TASOR2: variants seen among roughly 807,000 people sequenced by gnomAD.
The protein encoded by TASOR2 is transcription activation suppressor family member 2, also known as protein TASOR 2.
A neutral mutation model predicts 199.5 loss-of-function variants in TASOR2; 84 were observed. The ratio of observed to expected loss-of-function variants is 0.42; its 90% confidence interval spans 0.35 to 0.50. TASOR2 has a LOEUF of 0.50. TASOR2 is among the 20% of genes least tolerant of loss of function. TASOR2 has a pLI of 0.02. For missense variants in TASOR2, 2,796 were observed against 2,835.9 expected (o/e 0.99, Z 0.32); for synonymous variants, 1,103 against 1,046.6 (o/e 1.05, Z -1.04).
Position 5,742,546 on chromosome 10 carries a change from G to A in TASOR2, c.2757+20G>A, listed in dbSNP as rs2797488. On this transcript the variant is annotated intron_variant, in intron 14 of 20. Transcript: ENST00000328090. The surrounding 1 kb of genome is among the most constrained non-coding windows in gnomAD (Gnocchi z 4.2). ...AATGAGGTATGTAAAGCTGAATACC[G>A]TTAAATGTTGGCATTATTTTTGAAG... is the stretch of plus-strand genomic sequence containing the variant. 994,169 of 1,571,628 alleles carry A rather than the reference G, an allele frequency of 0.63. 316,360 individuals are homozygous for A. The highest frequency in any genetic ancestry group is 0.8 in the African/African-American group (58,410 of 72,736).
Position 5,749,016 on chromosome 10 carries a change from CTA to C in TASOR2, c.5597_5598del (p.Tyr1866Ter). 1.2e-6 allele frequency: 2 copies of C among 1,614,110 alleles called. No individual in the cohort carries two copies. Among genetic ancestry groups the C allele is most frequent in the Non-Finnish European group, 1.7e-6 (2 of 1,180,026 alleles). Reference sequence around the variant, plus strand: ...GGAAAAAAGATGTTCCCACAGATGGCTATGAGTCGTCGTTGAACTTCCACAAC... The same window carrying C: ...GGAAAAAAGATGTTCCCACAGATGGCTGAGTCGTCGTTGAACTTCCACAAC... On this transcript the variant is annotated frameshift_variant, in exon 15 of 21. Coordinates refer to ENST00000328090, the Ensembl canonical transcript of TASOR2. LOFTEE classifies it high-confidence loss of function.
chr10:5,749,599 G>A, exon 15 of TASOR2: 1 of 1,614,118 alleles, frequency 6.2e-7, no homozygotes, highest in South Asian at 1.1e-5. Context: ...AGGCTACACA[G>A]CCAGCAGTCT....
Position 5,720,810 on chromosome 10 carries a change from T to TTTTCTTGAGTAAATG in TASOR2, c.46+41_47-42dup. On this transcript the variant is annotated intron_variant, in intron 5 of 20. Coordinates refer to ENST00000328090, the Ensembl canonical transcript of TASOR2. The surrounding 1 kb of genome is among the most constrained non-coding windows in gnomAD (Gnocchi z 5.3). Reference sequence around the variant, plus strand: ...GTTCATTGATTCTTTTAGGTTTTTTTTTTCTTGAGTAAATGTTTCATCATA... The same window carrying TTTTCTTGAGTAAATG: ...GTTCATTGATTCTTTTAGGTTTTTTTTTTCTTGAGTAAATGTTTCTTGAGTAAATGTTTCATCATA... The TTTTCTTGAGTAAATG allele has an allele frequency of 1.3e-6, 2 of 1,598,982 alleles. No homozygotes were observed. Among genetic ancestry groups the TTTTCTTGAGTAAATG allele is most frequent in the Non-Finnish European group, 1.7e-6 (2 of 1,175,702 alleles).
rs1427483634 is a variant in TASOR2 at position 5,698,389 on chromosome 10, A to C, written c.-288+13214A>C. ...AATGATTGTGGTTGTAAGCCAGTGA[A>C]CTTCAGGATGGTCTGTTAATAAACA... On this transcript the variant is annotated intron_variant, in intron 1 of 20. Transcript: ENST00000328090. This position sits in a 1 kb window ranked among gnomAD's most constrained non-coding sequence, Gnocchi z 4.4. Among the ~76,000 whole-genome samples, 1 of 152,164 alleles carries C rather than the reference A, an allele frequency of 6.6e-6. No homozygotes were observed. The highest frequency in any genetic ancestry group is 1.5e-5 in the Non-Finnish European group (1 of 68,032).
intron 2 of TASOR2, among the ~76,000 whole-genome samples, chr10:5,713,483 TC>T (rs1184697452): frequency 6.6e-6 from 1 of 151,936 alleles, no homozygotes; most frequent in African/African-American, 2.4e-5. Context: ...ATACCAGAGA[TC>T]TAAAATAATT....
chr10:5,705,343 C>T (rs767421414), intron 1 of TASOR2, among the ~76,000 whole-genome samples: 22 of 151,856 alleles, frequency 1.4e-4, no homozygotes, highest in Non-Finnish European at 2.9e-4. Flanking sequence ...TTTTTAATTG[C>T]TGATTATTAT....
chr10:5,705,635 C>T (rs1402077292), intron 1 of TASOR2, among the ~76,000 whole-genome samples: 3 of 152,138 alleles, frequency 2.0e-5, no homozygotes, highest in East Asian at 1.9e-4. Flanking sequence ...TCCTTGCCAA[C>T]GCTTGGTATT....
chr10:5,747,967 G>A (rs1339164961), exon 15 of TASOR2: 1 of 1,613,708 alleles, frequency 6.2e-7, no homozygotes, highest in Non-Finnish European at 8.5e-7. Context: ...ATCTTTCTCA[G>A]GAAAGGTGCA....
chr10:5,730,723 G>A lies in TASOR2; in HGVS notation c.724G>A (p.Gly242Ser). The A allele has an allele frequency of 6.2e-7, 1 of 1,614,134 alleles. No individual in the cohort carries two copies. ...TACATTCTTGGGGAAACTGCCCAGT[G>A]GTTTTGACTTGATTCCTCCAGCTGA... is the stretch of plus-strand genomic sequence containing the variant. The change falls in exon 11 of 21, where the codon GGT (glycine) becomes AGT (serine). Residue 242 changes from glycine to serine, a missense_variant. Physicochemically the swap from Gly to Ser is moderately conservative, Grantham distance 56. Transcript: ENST00000328090. The surrounding 1 kb of genome is among the most constrained non-coding windows in gnomAD (Gnocchi z 4.1).
exon 15 of TASOR2, chr10:5,747,961 T>G: frequency 6.2e-7 from 1 of 1,613,850 alleles, no homozygotes; most frequent in Non-Finnish European, 8.5e-7. Context: ...GGGTTTATCT[T>G]TCTCAGGAAA....
At chr10:5,700,553 GT>G (rs1326246424) in intron 1 of TASOR2, among the ~76,000 whole-genome samples, 2 of 152,138 alleles carry the variant, frequency 1.3e-5, no homozygotes, top group African/African-American at 4.8e-5. Context: ...TCTACCAGCA[GT>G]GTATAAGGGT....
intron 1 of TASOR2, among the ~76,000 whole-genome samples, chr10:5,695,870 G>C (rs980829864): frequency 1.3e-5 from 2 of 152,132 alleles, no homozygotes; most frequent in Non-Finnish European, 2.9e-5. Context: ...GGAATTGGGG[G>C]TATCAAGTAC....
chr10:5,736,498 G>T (rs1835625939), intron 12 of TASOR2, among the ~76,000 whole-genome samples: 2 of 152,146 alleles, frequency 1.3e-5, no homozygotes, highest in South Asian at 4.1e-4. Flanking sequence ...AAGTGATCCT[G>T]CCTGGCTCAG....
chr10:5,708,115 G>T (rs11254266), intron 1 of TASOR2, among the ~76,000 whole-genome samples: 105,673 of 152,048 alleles, frequency 0.69, 36,925 homozygotes, highest in African/African-American at 0.77. Flanking sequence ...TGAAGCATAT[G>T]AAAATCCTTA....
chr10:5,748,351 G>A lies in TASOR2; in HGVS notation c.4930G>A (p.Ala1644Thr). The change falls in exon 15 of 21, where the codon GCT (alanine) becomes ACT (threonine). Residue 1644 changes from alanine to threonine, a missense_variant. Around this residue, in one of 3 missense-constraint regions of TASOR2, gnomAD observed 1,941 missense variants for 1,924.9 expected, o/e 1.01. Coordinates refer to ENST00000328090, the Ensembl canonical transcript of TASOR2. The surrounding 1 kb of genome is among the most constrained non-coding windows in gnomAD (Gnocchi z 5.1). ...CTTGACAGCTGCCTCGGTTGATGGA[G>A]CTTATTCTACACAGGGATGCATGTG... The A allele has an allele frequency of 6.2e-7, 1 of 1,614,228 alleles. No homozygotes were observed. The highest frequency in any genetic ancestry group is 2.2e-5 in the East Asian group (1 of 44,894).
At chr10:5,704,051 C>T (rs1047351137) in intron 1 of TASOR2, among the ~76,000 whole-genome samples, 1 of 151,626 alleles carries the variant, frequency 6.6e-6, no homozygotes, top group African/African-American at 2.4e-5. Context: ...TGGTGAAACC[C>T]CATCTCTACT....
At chr10:5,761,133 A>G (rs952859550) in intron 18 of TASOR2, 157 bp from the exon 20 acceptor site, 3 of 608,484 alleles carry the variant, frequency 4.9e-6, no homozygotes, top group Admixed American at 3.1e-5. Flanking sequence ...AGTAGGTACA[A>G]TTGTGATGTT....
chr10:5,753,656 A>G (rs1446014397), intron 15 of TASOR2, among the ~76,000 whole-genome samples: 1 of 152,034 alleles, frequency 6.6e-6, no homozygotes, highest in Non-Finnish European at 1.5e-5. Context: ...CACTCCGCCC[A>G]GCCTGTTTGC....
chr10:5,754,605 GTCTCGA>G lies in TASOR2; in HGVS notation c.6607-2007_6607-2002del, dbSNP rs1402824851. On this transcript the variant is annotated intron_variant, in intron 15 of 20. Coordinates refer to ENST00000328090, the Ensembl canonical transcript of TASOR2. This position sits in a 1 kb window ranked among gnomAD's most constrained non-coding sequence, Gnocchi z 4.3. ...GGGTTTCACCATGTTGGCCAGGCTG[GTCTCGA>G]ACTCCATAGCAGGAGTTCTTCTAGA... 1.3e-5 allele frequency among the ~76,000 whole-genome samples: 2 copies of G among 152,064 alleles called. No homozygotes were observed. The highest frequency in any genetic ancestry group is 3.9e-4 in the East Asian group (2 of 5,148).
Sources: gnomAD v4.1 joint callset for allele counts (sites outside exome capture counted in the v4.1 genomes callset) on GRCh38, gnomAD v4.1.1 for gene constraint, gnomAD v4.1.1 regional missense constraint, Gnocchi (gnomAD v3.1) non-coding constraint, MANE v1.5 for transcripts, NCBI Gene and HGNC (gene_info 2026-07-23, HGNC 2026-07-21) for gene names.